Variants in CDC34 observed in about 807,000 individuals in gnomAD.
CDC34 encodes the protein ubiquitin-conjugating enzyme E2 R1.
CDC34 carries 18 observed loss-of-function variants against 26.8 expected under a neutral mutation model. The ratio of observed to expected loss-of-function variants is 0.67; its 90% CI spans 0.47 to 1.00. CDC34 has a LOEUF of 1.00. Ranked by LOEUF, CDC34 falls within the 50% of genes least tolerant of loss-of-function variation. The pLI, the probability that CDC34 is intolerant of heterozygous loss-of-function variation, is 0.00. For synonymous variants in CDC34, 178 were observed against 147.5 expected, an observed-to-expected ratio of 1.21 and a Z score of -1.50; for missense variants, 280 against 334.5, an observed-to-expected ratio of 0.84 and a Z score of 1.27.
At chr19:536,793 G>T (rs1979776310) in intron 3 of CDC34, 3 of 595,502 alleles carry the variant, frequency 5.0e-6, no homozygotes, top group East Asian at 2.8e-5. Context: ...GGAGGGGTCT[G>T]CACCTTGCTG....
chr19:533,713 C>T (rs1979601129), intron 1 of CDC34, among the ~76,000 whole-genome samples: 1 of 152,186 alleles, frequency 6.6e-6, no homozygotes, highest in Non-Finnish European at 1.5e-5. Flanking sequence ...GCTTCCTGGG[C>T]CAGCATTAGG....
At chr19:535,158 T>C (rs1302523791) in intron 1 of CDC34, among the ~76,000 whole-genome samples, 1 of 152,226 alleles carries the variant, frequency 6.6e-6, no homozygotes, top group Non-Finnish European at 1.5e-5. Flanking sequence ...TCTGTGGCCG[T>C]CCTTGCCAGC....
In CDC34 at chr19:531,791, G is replaced by T; in HGVS notation, c.-141G>T. 1 of 251,160 alleles carries T rather than the reference G, an allele frequency of 4.0e-6. No individual in the cohort carries two copies. Among genetic ancestry groups the T allele is most frequent in the Non-Finnish European group, 6.4e-6 (1 of 155,650 alleles). The allele number at this position is 251,160 out of a possible 1,614,324, so 15.6% of individuals were successfully genotyped here. A position where few individuals can be genotyped will look rare whatever the true frequency, so the allele number is the denominator to read the frequency against. On this transcript the variant is annotated 5_prime_UTR_variant, in exon 1 of 5. Coordinates refer to ENST00000215574, the MANE Select transcript of CDC34 (RefSeq NM_004359.2). ...GCTGGAGCGCTCGGGGTCCCCGGGCGGCGGCGGCGGCGCAGAGGAGGAGGC... is the reference window on the plus strand; with the variant it reads ...GCTGGAGCGCTCGGGGTCCCCGGGCTGCGGCGGCGGCGCAGAGGAGGAGGC...
intron 4 of CDC34, chr19:538,976 G>A (rs1386786057): frequency 2.0e-6 from 2 of 985,194 alleles, no homozygotes; most frequent in Non-Finnish European, 2.4e-6. Flanking sequence ...CCTCCCTGAG[G>A]CACCACCTCC....
intron 4 of CDC34, among the ~76,000 whole-genome samples, chr19:539,907 C>T (rs1979933609): frequency 6.6e-6 from 1 of 152,168 alleles, no homozygotes. Flanking sequence ...GTACACGGTG[C>T]CCTCCAGGAA....
intron 1 of CDC34, among the ~76,000 whole-genome samples, chr19:534,507 G>GTA (rs1979646074): frequency 2.8e-5 from 1 of 36,254 alleles, no homozygotes; most frequent in Non-Finnish European, 6.4e-5. Context: ...GACCCCCTGA[G>GTA]TGCCCTCCCT....
chr19:538,314 C>T (rs1236981514), intron 4 of CDC34, among the ~76,000 whole-genome samples: 1 of 152,182 alleles, frequency 6.6e-6, no homozygotes, highest in East Asian at 1.9e-4. Flanking sequence ...ACCTGCAGTC[C>T]ACTTAGCTTG....
At position 536,316 on chromosome 19, in the gene CDC34, G is replaced by A; in HGVS notation, c.338G>A (p.Arg113Lys). ...CAGAGCGGGGAGCTGCCCTCAGAGA[G>A]GTGGAACCCCACGCAGAACGTCAGG... ...DPQSGELPSE[R>K]WNPTQNVRTI... The change falls in exon 3 of 5, where the codon AGG becomes AAG. Residue 113 changes from arginine (R) to lysine (K), a missense_variant. Transcript: ENST00000215574. The A allele has an allele frequency of 6.2e-7, 1 of 1,612,444 alleles. No individual in the cohort carries two copies. The highest frequency in any genetic ancestry group is 1.1e-5 in the South Asian group (1 of 90,966).
chr19:539,671 C>T (rs1471994323), intron 4 of CDC34, among the ~76,000 whole-genome samples: 3 of 152,220 alleles, frequency 2.0e-5, no homozygotes, highest in East Asian at 3.9e-4. Context: ...CAGAGCCGTG[C>T]CTGGTCGGTG....
chr19:535,891 C>T lies in CDC34; in HGVS notation c.232C>T (p.Leu78=), dbSNP rs759223736. 15 of 1,613,872 alleles carry T rather than the reference C, an allele frequency of 9.3e-6. No individual in the cohort carries two copies. Among genetic ancestry groups the T allele is most frequent in the Admixed American group, 3.3e-5 (2 of 60,014 alleles). Residue 78 remains leucine, a synonymous_variant, in exon 2 of 5, where the codon CTG becomes TTG. Coordinates refer to ENST00000215574, the MANE Select transcript of CDC34 (RefSeq NM_004359.2). ...YPYSPPAFRF[L]TKMWHPNIYE... is the part of the protein sequence containing the mutation. ...ATACTCTCCACCAGCCTTTCGGTTC[C>T]TGACCAAGATGTGGCACCCTAACAT...
At position 541,385 on chromosome 19, in the gene CDC34, A is replaced by T; in HGVS notation, c.544A>T (p.Lys182Ter). The T allele has an allele frequency of 6.2e-7, 1 of 1,609,796 alleles. No individual in the cohort carries two copies. Among genetic ancestry groups the T allele is most frequent in the Non-Finnish European group, 8.5e-7 (1 of 1,179,118 alleles). The change falls in exon 5 of 5, where the codon AAG (lysine) becomes TAG (stop). Residue 182 changes from lysine (K) to a stop codon, truncating the protein, a stop_gained. Coordinates refer to ENST00000215574, the MANE Select transcript of CDC34 (RefSeq NM_004359.2). LOFTEE classifies it high-confidence loss of function. ...TKVDAERDGV[K>*]VPTTLAEYCV... Reference sequence around the variant, plus strand: ...GGTGGACGCGGAGCGTGACGGCGTGAAGGTGCCCACCACGCTGGCCGAGTA... The same window carrying T: ...GGTGGACGCGGAGCGTGACGGCGTGTAGGTGCCCACCACGCTGGCCGAGTA...
intron 4 of CDC34, among the ~76,000 whole-genome samples, chr19:538,307 T>C (rs1979856283): frequency 2.0e-5 from 3 of 152,380 alleles, no homozygotes; most frequent in Admixed American, 2.0e-4. Context: ...CTTCTGTACC[T>C]GCAGTCCACT....
Position 532,111 on chromosome 19 carries a change from G to C in CDC34, c.177+3G>C. Reference sequence around the variant, plus strand: ...ACTACGAGGGCGGCTACTTCAAGGTGAGCGCGGCGACCCCCGCCCGGGTCC... The same window carrying C: ...ACTACGAGGGCGGCTACTTCAAGGTCAGCGCGGCGACCCCCGCCCGGGTCC... On this transcript the variant is annotated splice_donor_region_variant and intron_variant, in intron 1 of 4. Transcript: ENST00000215574. The C allele has an allele frequency of 6.7e-7, 1 of 1,498,014 alleles. No individual in the cohort carries two copies. The highest frequency in any genetic ancestry group is 1.4e-5 in the South Asian group (1 of 73,740). 92.8% of individuals were successfully genotyped at this position (1,498,014 alleles called of 1,614,324 possible). A position where few individuals can be genotyped will look rare whatever the true frequency, so the allele number is the denominator to read the frequency against.
chr19:541,436 C>T lies in CDC34; in HGVS notation c.595C>T (p.Pro199Ser). 1 of 1,612,792 alleles carries T rather than the reference C, an allele frequency of 6.2e-7. No homozygotes were observed. Among genetic ancestry groups the T allele is most frequent in the African/African-American group, 1.3e-5 (1 of 75,038 alleles). Residue 199 changes from proline to serine, a missense_variant, in exon 5 of 5, where the codon CCC becomes TCC. Physicochemically the swap from Pro to Ser is moderately conservative, Grantham distance 74. Transcript: ENST00000215574. ...CTGCGTGAAGACCAAGGCGCCGGCGCCCGACGAGGGCTCAGACCTCTTCTA... is the reference window on the plus strand; with the variant it reads ...CTGCGTGAAGACCAAGGCGCCGGCGTCCGACGAGGGCTCAGACCTCTTCTA... Reference protein sequence around the residue: ...EYCVKTKAPAPDEGSDLFYDD... With the variant: ...EYCVKTKAPASDEGSDLFYDD...
In CDC34 at chr19:535,893, G is replaced by A. The variant is rs116932400; in HGVS notation, c.234G>A (p.Leu78=). The change falls in exon 2 of 5, where the codon CTG becomes CTA. Residue 78 remains leucine, a synonymous_variant. Transcript: ENST00000215574. ...YPYSPPAFRF[L]TKMWHPNIYE... ...ACTCTCCACCAGCCTTTCGGTTCCT[G>A]ACCAAGATGTGGCACCCTAACATCT... 1.9e-4 allele frequency: 312 copies of A among 1,613,926 alleles called. No individual in the cohort carries two copies. The highest frequency in any genetic ancestry group is 2.6e-4 in the Non-Finnish European group (303 of 1,179,992).
chr19:540,040 GGCCCCCCAC>G, intron 4 of CDC34, among the ~76,000 whole-genome samples: 2 of 122,000 alleles, frequency 1.6e-5, no homozygotes, highest in African/African-American at 5.5e-5. Flanking sequence ...GGGGTGGCCA[GGCCCCCCAC>G]GTTTAGAATC....
rs1424246234 is a variant in CDC34, at chr19:537,695, G to A, written c.497+548G>A. Among the ~76,000 whole-genome samples the A allele has an allele frequency of 4.8e-5, 5 of 104,958 alleles. No individual in the cohort carries two copies. In the East Asian group the frequency reaches 1.3e-3, roughly 27 times the overall value. The allele number at this position is 104,958 out of a possible 152,430, so 68.9% of individuals were successfully genotyped here. On this transcript the variant is annotated intron_variant, in intron 4 of 4. Transcript: ENST00000215574. The stretch of plus-strand genomic sequence containing the variant: ...TTTGGAGACAGAGTTATACTCTCTT[G>A]CCTAGGCTGCAGTGCAGTGGTGCGA...
rs746640795 is a variant in CDC34 at position 537,037 on chromosome 19, C to T, written c.387C>T (p.Ser129=). ...GGACCATTCTCCTGAGTGTGATCTCCCTCCTGAACGAGCCCAACACCTTCT... is the reference window on the plus strand; with the variant it reads ...GGACCATTCTCCTGAGTGTGATCTCTCTCCTGAACGAGCCCAACACCTTCT... ...NVRTILLSVI[S]LLNEPNTFSP... The change falls in exon 4 of 5, where the codon TCC becomes TCT. Residue 129 remains serine (S), a synonymous_variant. Coordinates refer to ENST00000215574, the MANE Select transcript of CDC34 (RefSeq NM_004359.2). 12 of 1,613,840 alleles carry T rather than the reference C, an allele frequency of 7.4e-6. No homozygotes were observed. The highest frequency in any genetic ancestry group is 1.7e-4 in the Middle Eastern group (1 of 6,060).
chr19:534,414 CG>C (rs1979633948), intron 1 of CDC34, among the ~76,000 whole-genome samples: 1 of 141,148 alleles, frequency 7.1e-6, no homozygotes, highest in South Asian at 2.3e-4. Context: ...CCAAGACCCC[CG>C]AGTACCCTCC....
Sources: allele counts gnomAD v4.1 joint callset (sites outside exome capture counted in the v4.1 genomes callset), GRCh38; gene constraint gnomAD v4.1.1; transcripts MANE v1.5; gene names NCBI Gene and HGNC (gene_info 2026-07-23, HGNC 2026-07-21).